TCTN2: variants seen among roughly 807,000 people sequenced by gnomAD.
The protein encoded by TCTN2 is tectonic-2.
In TCTN2, 66 loss-of-function variants were observed where a neutral mutation model predicts 83.4. The ratio of observed to expected loss-of-function variants is 0.79; its 90% CI spans 0.65 to 0.97. The LOEUF (loss-of-function observed/expected upper bound fraction) is 0.97. Ranked by LOEUF, TCTN2 falls within the 50% of genes least tolerant of loss-of-function variation. The probability of loss-of-function intolerance (pLI) is 0.00; values close to 1 mark genes in which losing one functional copy is unlikely to be tolerated. For synonymous variants in TCTN2, 301 were observed against 326.7 expected (o/e 0.92, Z 0.85); for missense variants, 794 against 858.1 (o/e 0.93, Z 0.93).
chr12:123,688,209 T>G, intron 7 of TCTN2, 32 bp downstream of exon 7: 1 of 1,584,174 alleles, frequency 6.3e-7, no homozygotes, highest in Non-Finnish European at 8.6e-7. Flanking sequence ...TGCTAGACCG[T>G]TCTCTTTTTT....
chr12:123,707,734 T>G lies in TCTN2; in HGVS notation c.*21T>G. 1 of 1,593,346 alleles carries G rather than the reference T, an allele frequency of 6.3e-7. No homozygotes were observed. The highest frequency in any genetic ancestry group is 8.6e-7 in the Non-Finnish European group (1 of 1,161,142). Reference sequence around the variant, plus strand: ...GTTAGACAACCACCTGGCTTTTATTTTTTTGAGATGGAGTTTTGCTCTTGT... The same window carrying G: ...GTTAGACAACCACCTGGCTTTTATTGTTTTGAGATGGAGTTTTGCTCTTGT... On this transcript the variant is annotated 3_prime_UTR_variant, in exon 18 of 18. Coordinates refer to ENST00000303372, the MANE Select transcript of TCTN2 (RefSeq NM_024809.5).
At chr12:123,675,935 A>G (rs1261626618) in intron 4 of TCTN2, among the ~76,000 whole-genome samples, 1 of 152,140 alleles carries the variant, frequency 6.6e-6, no homozygotes, top group Non-Finnish European at 1.5e-5. Flanking sequence ...AAAACAACAG[A>G]AGGGATTCAT....
At chr12:123,689,055 A>T (rs200063660) in intron 7 of TCTN2, among the ~76,000 whole-genome samples, 13 of 142,808 alleles carry the variant, frequency 9.1e-5, no homozygotes, top group East Asian at 6.0e-4. Context: ...TTTTTTTTTT[A>T]AATTAAAAAA....
Position 123,706,835 on chromosome 12 carries a change from C to T in TCTN2, c.1879C>T (p.Pro627Ser). 6.2e-7 allele frequency: 1 copy of T among 1,614,144 alleles called. No homozygotes were observed. Among genetic ancestry groups the T allele is most frequent in the South Asian group, 1.1e-5 (1 of 91,074 alleles). Residue 627 changes from proline (P) to serine (S), a missense_variant, in exon 16 of 18, where the codon CCC becomes TCC. Pro to Ser is a moderately conservative substitution (Grantham distance 74). Transcript: ENST00000303372. ...VQFIKIPAQL[P>S]HPLTRFQINY... The stretch of plus-strand genomic sequence containing the variant: ...GTTTATTAAAATTCCTGCACAGTTA[C>T]CCCACCCCCTGACAAGGTACTCCAG...
chr12:123,687,121 A>T (rs1955981492), intron 6 of TCTN2, 86 bp downstream of exon 6: 1 of 1,507,764 alleles, frequency 6.6e-7, no homozygotes, highest in African/African-American at 1.4e-5. Context: ...CAACGCGGTC[A>T]CGTTTTTCCC....
chr12:123,693,543 C>T (rs1956072330), intron 9 of TCTN2, among the ~76,000 whole-genome samples: 1 of 149,606 alleles, frequency 6.7e-6, no homozygotes, highest in Non-Finnish European at 1.5e-5. Context: ...ACCTCCACTT[C>T]CTGGGTTCAA....
At chr12:123,673,482 G>C (rs1011998806) in intron 3 of TCTN2, 133 bp from the exon 4 acceptor site, 6 of 850,302 alleles carry the variant, frequency 7.1e-6, no homozygotes, top group Non-Finnish European at 1.2e-5. Context: ...AGATAACTGT[G>C]TCATCTCTGT....
At chr12:123,702,489 G>C (rs1956183883) in intron 14 of TCTN2, among the ~76,000 whole-genome samples, 1 of 152,028 alleles carries the variant, frequency 6.6e-6, no homozygotes, top group Admixed American at 6.6e-5. Flanking sequence ...GTGAGCTTGA[G>C]GTGCCCCAGA....
At chr12:123,696,293 T>C (rs1956107515) in intron 11 of TCTN2, 122 bp from the exon 12 acceptor site, 1 of 794,198 alleles carries the variant, frequency 1.3e-6, no homozygotes, top group Non-Finnish European at 2.2e-6. Flanking sequence ...CTCTCAAGGG[T>C]ATTTTCGAAA....
intron 4 of TCTN2, among the ~76,000 whole-genome samples, chr12:123,674,887 T>G (rs754184515): frequency 3.8e-4 from 58 of 152,168 alleles, no homozygotes; most frequent in Middle Eastern, 3.2e-3. Flanking sequence ...TTCATTTTTT[T>G]TAGAGACACG....
intron 11 of TCTN2, 39 bp from the exon 12 acceptor site, chr12:123,696,376 G>C (rs1956109001): frequency 6.5e-7 from 1 of 1,540,620 alleles, no homozygotes; most frequent in African/African-American, 1.4e-5. Flanking sequence ...TGCTATGCTG[G>C]AGGAAACAGG....
chr12:123,704,541 C>T lies in TCTN2; in HGVS notation c.1622C>T (p.Ala541Val). The T allele has an allele frequency of 6.2e-7, 1 of 1,609,478 alleles. No homozygotes were observed. The highest frequency in any genetic ancestry group is 1.1e-5 in the South Asian group (1 of 90,574). Residue 541 changes from alanine (A) to valine (V), a missense_variant, in exon 15 of 18, where the codon GCC becomes GTC. Coordinates refer to ENST00000303372, the MANE Select transcript of TCTN2 (RefSeq NM_024809.5). ...CTTAACATTTCTATAGGTGTAGATG[C>T]CCCTGATCCAGGTGCAGACCCGCTG... ...DGWLEIIRVD[A>V]PDPGADPLAS...
intron 13 of TCTN2, 114 bp from the exon 14 acceptor site, chr12:123,699,590 C>A (rs992863904): frequency 3.4e-6 from 3 of 871,490 alleles, no homozygotes; most frequent in African/African-American, 1.7e-5. Context: ...AATGCCAGTT[C>A]CTCTGGCAGT....
chr12:123,671,123 G>T lies in TCTN2; in HGVS notation c.-118G>T, dbSNP rs1955742357. ...CGATTGGTGGTTGCCATAGCTCCGG[G>T]CGTTCGCTTGCAAGATGGCGGCGGC... is the stretch of plus-strand genomic sequence containing the variant. On this transcript the variant is annotated 5_prime_UTR_variant, in exon 1 of 18. Transcript: ENST00000303372. The T allele has an allele frequency of 4.1e-6, 4 of 981,454 alleles. No individual in the cohort carries two copies. The highest frequency in any genetic ancestry group is 6.2e-6 in the Non-Finnish European group (4 of 640,116). 60.8% of individuals were successfully genotyped at this position (981,454 alleles called of 1,614,324 possible). A position where few individuals can be genotyped will look rare whatever the true frequency, so the allele number is the denominator to read the frequency against.
chr12:123,688,147 T>A lies in TCTN2; in HGVS notation c.861T>A (p.Thr287=). The change falls in exon 7 of 18, where the codon ACT becomes ACA. Residue 287 remains threonine, a synonymous_variant. Transcript: ENST00000303372. The part of the protein sequence containing the change: ...FGYKQGDPIM[T]VKKAYFTIPQ... ...ACAAACAAGGAGATCCCATTATGAC[T>A]GTAAAGAAGGCATATTTTACTATTC... 1 of 1,613,800 alleles carries A rather than the reference T, an allele frequency of 6.2e-7. No homozygotes were observed. The highest frequency in any genetic ancestry group is 8.5e-7 in the Non-Finnish European group (1 of 1,179,802).
rs142452647 is a variant in TCTN2 at position 123,673,707 on chromosome 12, C to G, written c.360C>G (p.Leu120=). The G allele has an allele frequency of 3.2e-4, 523 of 1,614,180 alleles. 2 individuals carry two copies. The African/African-American group carries it at 5.9e-3, about 18-fold the overall frequency. ...TDSFSESPCI[L]QTLLVSASHN... ...CCTTCTCAGAGTCCCCCTGTATCCT[C>G]CAGACCCTTCTGGTTTCAGCATCTC... Residue 120 remains leucine, a synonymous_variant, in exon 4 of 18, where the codon CTC becomes CTG. Transcript: ENST00000303372.
intron 17 of TCTN2, 187 bp downstream of exon 17, chr12:123,707,260 T>A: frequency 1.6e-6 from 1 of 642,322 alleles, no homozygotes; most frequent in Non-Finnish European, 2.7e-6. Flanking sequence ...TACACTGTTT[T>A]TTTTTTTAGA....
At chr12:123,691,718 TGTTTTTTTTTTGTTTTTTTG>T (rs1392692311) in intron 8 of TCTN2, among the ~76,000 whole-genome samples, 5 of 149,116 alleles carry the variant, frequency 3.4e-5, no homozygotes, top group Admixed American at 1.3e-4. Context: ...CCCACCAAAT[TGTTTTTTTTTTGTTTTTTTG>T]GTTTTTTTTT....
intron 4 of TCTN2, among the ~76,000 whole-genome samples, chr12:123,676,241 T>C (rs1340306692): frequency 6.6e-6 from 1 of 151,746 alleles, no homozygotes; most frequent in Non-Finnish European, 1.5e-5. Flanking sequence ...GATTGCTCCA[T>C]GTACTCCAGC....
Sources: allele counts gnomAD v4.1 joint callset (sites outside exome capture counted in the v4.1 genomes callset), GRCh38; gene constraint gnomAD v4.1.1; transcripts MANE v1.5; gene names NCBI Gene and HGNC (gene_info 2026-07-23, HGNC 2026-07-21).